The following LCP1 variants were observed in gnomAD, a reference collection of about 807,000 sequenced individuals.
LCP1 encodes lymphocyte cytosolic protein 1, also known as plastin-2.
In LCP1, 23 loss-of-function variants were observed where a neutral mutation model predicts 72.0. The observed-to-expected ratio is 0.32, with a 90% CI of 0.23 to 0.45. The LOEUF is 0.45. Ranked by LOEUF, LCP1 falls within the 20% of genes least tolerant of loss-of-function variation. LCP1 has a pLI of 1.00. For synonymous variants in LCP1, 245 were observed against 275.4 expected, an observed-to-expected ratio of 0.89 and a Z score of 1.09; for missense variants, 571 against 748.3, an observed-to-expected ratio of 0.76 and a Z score of 2.76.
chr13:46,158,451 C>G, intron 4 of LCP1, 71 bp downstream of exon 4: 1 of 1,547,540 alleles, frequency 6.5e-7, no homozygotes, highest in Non-Finnish European at 8.8e-7. Flanking sequence ...TGTTTACATC[C>G]CTTAGGTTTG....
At chr13:46,128,575 G>A (rs889659979) in intron 15 of LCP1, among the ~76,000 whole-genome samples, 2 of 151,918 alleles carry the variant, frequency 1.3e-5, no homozygotes, top group Non-Finnish European at 2.9e-5. Flanking sequence ...TCCAGCCTGG[G>A]CAACAAAGTG....
chr13:46,136,696 TAA>T (rs1399144235), intron 13 of LCP1, among the ~76,000 whole-genome samples: 1 of 152,196 alleles, frequency 6.6e-6, no homozygotes, highest in Non-Finnish European at 1.5e-5. Context: ...GCATGCATAT[TAA>T]GTTATTAGCA....
In LCP1 at chr13:46,153,006, G is replaced by A. The variant is rs769593570; in HGVS notation, c.574-61C>T. ...GACTTTGTAGATGCCAAATAATACCGATGGCAACAGTAACAATGTTTTCCT... is the reference window on the plus strand; with the variant it reads ...GACTTTGTAGATGCCAAATAATACCAATGGCAACAGTAACAATGTTTTCCT... On this transcript the variant is annotated intron_variant, in intron 6 of 15. Coordinates refer to ENST00000323076, the MANE Select transcript of LCP1 (RefSeq NM_002298.5). 34 of 1,445,610 alleles carry A rather than the reference G, an allele frequency of 2.4e-5. No individual in the cohort carries two copies. The East Asian group carries it at 2.8e-4, about 12-fold the overall frequency. 89.5% of individuals were successfully genotyped at this position (1,445,610 alleles called of 1,614,324 possible). A position where few individuals can be genotyped will look rare whatever the true frequency, so the allele number is the denominator to read the frequency against.
rs1225167997 is a variant in LCP1, at chr13:46,127,583, A to G, written c.*8T>C. 4.3e-6 allele frequency: 7 copies of G among 1,613,888 alleles called. No individual in the cohort carries two copies. In the South Asian group the frequency reaches 6.6e-5, roughly 15 times the overall value. On this transcript the variant is annotated 3_prime_UTR_variant, in exon 16 of 16. Coordinates refer to ENST00000323076, the MANE Select transcript of LCP1 (RefSeq NM_002298.5). ...AGTGCACCGCCTCCCACCCAGCCCC[A>G]TTGGGCCTCACACCCTCTTCATTCC... is the stretch of plus-strand genomic sequence containing the variant.
Position 46,158,881 on chromosome 13 carries a change from A to T in LCP1, c.173T>A (p.Met58Lys). The T allele has an allele frequency of 6.2e-7, 1 of 1,614,194 alleles. No homozygotes were observed. Among genetic ancestry groups the T allele is most frequent in the Non-Finnish European group, 8.5e-7 (1 of 1,180,022 alleles). ...ATCTTGGTCCAGATCACCTGTAGCC[A>T]TCAGGTTTTCTGTAATTTCTCGTAC... Reference protein sequence around the residue: ...YRVREITENLMATGDLDQDGR... With the variant: ...YRVREITENLKATGDLDQDGR... Residue 58 changes from methionine to lysine, a missense_variant, in exon 3 of 16, where the codon ATG (methionine) becomes AAG (lysine). Transcript: ENST00000323076.
In LCP1 at chr13:46,130,765, C is replaced by T. The variant is rs766462313; in HGVS notation, c.1751+49G>A. The T allele has an allele frequency of 2.5e-6, 4 of 1,607,518 alleles. No individual in the cohort carries two copies. In the South Asian group the frequency reaches 3.3e-5, roughly 13 times the overall value. On this transcript the variant is annotated intron_variant, in intron 15 of 15. Transcript: ENST00000323076. ...ATTAGACTTTACAACCATCCAGCTGCCAGTTGGGTCCTTCCCTCCCAATCT... is the reference window on the plus strand; with the variant it reads ...ATTAGACTTTACAACCATCCAGCTGTCAGTTGGGTCCTTCCCTCCCAATCT...
chr13:46,149,789 A>G (rs181448300), intron 8 of LCP1, among the ~76,000 whole-genome samples: 112 of 152,370 alleles, frequency 7.4e-4, no homozygotes, highest in African/African-American at 2.6e-3. Flanking sequence ...GTAAATTTAC[A>G]GCTGAGATCT....
At chr13:46,157,322 G>A (rs1051940032) in intron 4 of LCP1, among the ~76,000 whole-genome samples, 2 of 151,902 alleles carry the variant, frequency 1.3e-5, no homozygotes, top group African/African-American at 2.4e-5. Context: ...TCAGGATTCC[G>A]CTTTTAGCTC....
At chr13:46,163,460 C>T (rs1190902089) in intron 1 of LCP1, among the ~76,000 whole-genome samples, 1 of 151,954 alleles carries the variant, frequency 6.6e-6, no homozygotes, top group Non-Finnish European at 1.5e-5. Flanking sequence ...GAGTCATCAC[C>T]ACTCCCTAAT....
chr13:46,153,016 G>A (rs1431480254), intron 6 of LCP1, 71 bp from the exon 7 acceptor site: 12 of 1,408,532 alleles, frequency 8.5e-6, no homozygotes, highest in Middle Eastern at 1.9e-4. Context: ...GATGGCAACA[G>A]TAACAATGTT....
In LCP1 at chr13:46,159,614, C is replaced by T; in HGVS notation, c.49G>A (p.Ala17Thr). The T allele has an allele frequency of 1.2e-6, 2 of 1,614,120 alleles. No homozygotes were observed. Among genetic ancestry groups the T allele is most frequent in the Non-Finnish European group, 8.5e-7 (1 of 1,179,968 alleles). ...SDEEMMELRE[A>T]FAKVDTDGNG... ...GTCTACTCACCAACTTTGGCAAAAG[C>T]TTCTCTGAGCTCCATCATTTCCTCA... Residue 17 changes from alanine to threonine, a missense_variant, in exon 2 of 16, where the codon GCT (alanine) becomes ACT (threonine). Ala to Thr is a moderately conservative substitution (Grantham distance 58, BLOSUM62 0). Transcript: ENST00000323076.
At chr13:46,148,007 A>G (rs2138242743) in intron 9 of LCP1, among the ~76,000 whole-genome samples, 1 of 152,362 alleles carries the variant, frequency 6.6e-6, no homozygotes, top group Non-Finnish European at 1.5e-5. Flanking sequence ...ACGGGCAAAG[A>G]GACTTCTCAA....
intron 14 of LCP1, 30 bp downstream of exon 14, chr13:46,134,097 T>A: frequency 6.2e-7 from 1 of 1,611,232 alleles, no homozygotes; most frequent in South Asian, 1.1e-5. Flanking sequence ...AGAGCTCAGA[T>A]GGCCTCTAGC....
chr13:46,165,330 T>C (rs1222595120), intron 1 of LCP1, among the ~76,000 whole-genome samples: 1 of 151,668 alleles, frequency 6.6e-6, no homozygotes, highest in Non-Finnish European at 1.5e-5. Flanking sequence ...ACTGAGATCA[T>C]GCCACTGCAC....
At chr13:46,128,393 T>C (rs2045613067) in intron 15 of LCP1, among the ~76,000 whole-genome samples, 1 of 152,162 alleles carries the variant, frequency 6.6e-6, no homozygotes. Context: ...GGTCAGGAGA[T>C]CGAGACCATC....
intron 1 of LCP1, among the ~76,000 whole-genome samples, chr13:46,172,679 C>G (rs1397011295): frequency 1.3e-5 from 2 of 152,042 alleles, no homozygotes; most frequent in Admixed American, 6.6e-5. Flanking sequence ...TTTCTAGAGG[C>G]AAAACCTCGG....
intron 1 of LCP1, among the ~76,000 whole-genome samples, chr13:46,176,114 C>T (rs1471377453): frequency 1.3e-5 from 2 of 152,092 alleles, no homozygotes. Flanking sequence ...TATAGCTAGA[C>T]AGGAGGAATA....
At chr13:46,128,577 A>G (rs1007642533) in intron 15 of LCP1, among the ~76,000 whole-genome samples, 11 of 152,136 alleles carry the variant, frequency 7.2e-5, no homozygotes, top group Non-Finnish European at 1.6e-4. Context: ...CAGCCTGGGC[A>G]ACAAAGTGAG....
intron 1 of LCP1, among the ~76,000 whole-genome samples, chr13:46,162,780 G>A (rs541012273): frequency 6.6e-6 from 1 of 152,042 alleles, no homozygotes; most frequent in South Asian, 2.1e-4. Flanking sequence ...GATGTGGGGA[G>A]CGCCTCTGCC....
Sources: gnomAD v4.1 joint callset for allele counts (sites outside exome capture counted in the v4.1 genomes callset) on GRCh38, gnomAD v4.1.1 for gene constraint, MANE v1.5 for transcripts, NCBI Gene and HGNC (gene_info 2026-07-23, HGNC 2026-07-21) for gene names.